Variants in SPECC1L observed in about 807,000 individuals in gnomAD.
SPECC1L encodes sperm antigen with calponin homology and coiled-coil domains 1 like.
A neutral mutation model predicts 116.8 loss-of-function variants in SPECC1L; 40 were observed. The ratio of observed to expected loss-of-function variants is 0.34; its 90% confidence interval spans 0.27 to 0.45. The LOEUF (loss-of-function observed/expected upper bound fraction) is 0.45. Among genes scored for constraint, SPECC1L ranks in the 20% least tolerant of loss-of-function variants. SPECC1L has a pLI of 1.00. For synonymous variants in SPECC1L, 504 were observed against 500.6 expected, an observed-to-expected ratio of 1.01 and a Z score of -0.09; for missense variants, 1,110 against 1,373.6, an observed-to-expected ratio of 0.81 and a Z score of 3.03.
chr22:24,310,944 T>C (rs142743639), intron 3 of SPECC1L, among the ~76,000 whole-genome samples: 161 of 152,328 alleles, frequency 1.1e-3, no homozygotes, highest in African/African-American at 3.8e-3. Context: ...ATGTTTGATA[T>C]GGTGTGAAAT....
intron 10 of SPECC1L, among the ~76,000 whole-genome samples, chr22:24,344,992 G>A (rs2041260824): frequency 6.6e-6 from 1 of 152,154 alleles, no homozygotes; most frequent in African/African-American, 2.4e-5. Flanking sequence ...AATTAAAAGA[G>A]CAGTGCTCTT....
In SPECC1L at chr22:24,412,648, A is replaced by C. The variant is rs750252921; in HGVS notation, c.3205A>C (p.Arg1069=). The change falls in exon 16 of 17, where the codon AGA becomes CGA. Residue 1069 remains arginine (R), a splice_region_variant and synonymous_variant. Transcript: ENST00000314328. ...PYQELNSQDK[R]RNFMLAFQAA... is the part of the protein sequence containing the mutation. ...TGCAGTGACACAGTTTCTTTTACAGAGAAGGAACTTCATGCTGGCTTTCCA... is the reference window on the plus strand; with the variant it reads ...TGCAGTGACACAGTTTCTTTTACAGCGAAGGAACTTCATGCTGGCTTTCCA... 6.2e-6 allele frequency: 10 copies of C among 1,614,140 alleles called. No individual in the cohort carries two copies. Among genetic ancestry groups the C allele is most frequent in the Non-Finnish European group, 7.6e-6 (9 of 1,180,032 alleles).
At chr22:24,376,453 A>G (rs1186088951) in intron 14 of SPECC1L, among the ~76,000 whole-genome samples, 1 of 152,256 alleles carries the variant, frequency 6.6e-6, no homozygotes, top group Non-Finnish European at 1.5e-5. Context: ...AAATTAAAAC[A>G]TTCCATTTAT....
intron 14 of SPECC1L, among the ~76,000 whole-genome samples, chr22:24,404,219 G>A (rs1017891614): frequency 5.8e-4 from 88 of 152,164 alleles, no homozygotes; most frequent in African/African-American, 2.1e-3. Flanking sequence ...TTGGAGTGCT[G>A]AGGGGCTGGA....
chr22:24,412,560 A>G, intron 15 of SPECC1L, 88 bp from the exon 16 acceptor site: 1 of 1,203,956 alleles, frequency 8.3e-7, no homozygotes, highest in Non-Finnish European at 1.2e-6. Context: ...GTCGTCCTTC[A>G]GATGCATCTG....
chr22:24,344,488 T>C (rs2146552643), intron 10 of SPECC1L, among the ~76,000 whole-genome samples: 1 of 151,846 alleles, frequency 6.6e-6, no homozygotes, highest in South Asian at 2.1e-4. Context: ...ATCTGGAGAC[T>C]GAATGCTTTC....
At chr22:24,324,193 T>TAA (rs770116658) in intron 5 of SPECC1L, 27 bp from the exon 6 acceptor site, 1 of 1,598,426 alleles carries the variant, frequency 6.3e-7, no homozygotes, top group South Asian at 1.1e-5. Flanking sequence ...TTAACTTTTC[T>TAA]AAATCTGCAT....
intron 11 of SPECC1L, among the ~76,000 whole-genome samples, chr22:24,352,828 A>G (rs962841920): frequency 9.2e-5 from 14 of 152,144 alleles, no homozygotes; most frequent in African/African-American, 3.4e-4. Context: ...TATCAATCTC[A>G]GCTCTTATTT....
intron 14 of SPECC1L, among the ~76,000 whole-genome samples, chr22:24,389,790 G>T (rs1034691102): frequency 3.9e-5 from 6 of 152,072 alleles, no homozygotes; most frequent in African/African-American, 1.4e-4. Context: ...AGGAGAAAAA[G>T]GAAGTGCTCT....
At chr22:24,284,879 C>G (rs753913210) in intron 2 of SPECC1L, among the ~76,000 whole-genome samples, 1 of 152,136 alleles carries the variant, frequency 6.6e-6, no homozygotes, top group South Asian at 2.1e-4. Context: ...GATAAAAGGC[C>G]AGTGGAGTGA....
chr22:24,362,491 C>T (rs1308049325), intron 11 of SPECC1L, among the ~76,000 whole-genome samples: 1 of 152,140 alleles, frequency 6.6e-6, no homozygotes, highest in Non-Finnish European at 1.5e-5. Context: ...CCTGAAGGCT[C>T]AAAAATGTTT....
At chr22:24,373,711 A>G (rs2041914924) in intron 14 of SPECC1L, among the ~76,000 whole-genome samples, 1 of 152,222 alleles carries the variant, frequency 6.6e-6, no homozygotes, top group Non-Finnish European at 1.5e-5. Flanking sequence ...GGACATAGGC[A>G]TGGGCAAGGA....
intron 14 of SPECC1L, among the ~76,000 whole-genome samples, chr22:24,411,269 C>T (rs1459903440): frequency 1.3e-5 from 2 of 152,190 alleles, no homozygotes; most frequent in African/African-American, 4.8e-5. Context: ...TGTACTGTCA[C>T]CCCAACAGGT....
chr22:24,319,312 G>A (rs1018278303), intron 4 of SPECC1L, among the ~76,000 whole-genome samples: 1 of 152,214 alleles, frequency 6.6e-6, no homozygotes, highest in Admixed American at 6.5e-5. Context: ...ATAGTGGCAG[G>A]AAGGAGGAGA....
chr22:24,402,614 G>A (rs1031034598), intron 14 of SPECC1L, among the ~76,000 whole-genome samples: 1 of 152,166 alleles, frequency 6.6e-6, no homozygotes, highest in Non-Finnish European at 1.5e-5. Flanking sequence ...TGAAGCTGGA[G>A]GACCAGTGAG....
chr22:24,396,152 T>C (rs909415650), intron 14 of SPECC1L, among the ~76,000 whole-genome samples: 1 of 152,216 alleles, frequency 6.6e-6, no homozygotes, highest in South Asian at 2.1e-4. Flanking sequence ...TCTAAACTTG[T>C]GGAAATTTTT....
intron 10 of SPECC1L, among the ~76,000 whole-genome samples, chr22:24,346,550 C>T: frequency 6.6e-6 from 1 of 152,304 alleles, no homozygotes; most frequent in East Asian, 1.9e-4. Flanking sequence ...GTTTGTGATA[C>T]TTTAAAGATT....
chr22:24,330,835 T>C (rs2040923411), intron 8 of SPECC1L, among the ~76,000 whole-genome samples: 1 of 152,200 alleles, frequency 6.6e-6, no homozygotes, highest in Non-Finnish European at 1.5e-5. Flanking sequence ...AATCTTGACT[T>C]CCCTGAGCCT....
intron 6 of SPECC1L, among the ~76,000 whole-genome samples, 162 bp downstream of exon 6, chr22:24,324,589 A>G (rs573174373): frequency 6.6e-6 from 1 of 152,270 alleles, no homozygotes; most frequent in East Asian, 1.9e-4. Flanking sequence ...AGTGGCTCAC[A>G]CCTGTAATCC....
Sources: allele counts gnomAD v4.1 joint callset (sites outside exome capture counted in the v4.1 genomes callset), GRCh38; gene constraint gnomAD v4.1.1; transcripts MANE v1.5; gene names NCBI Gene and HGNC (gene_info 2026-07-23, HGNC 2026-07-21).